VGLL3: variants seen among roughly 807,000 people sequenced by gnomAD.
VGLL3 encodes vestigial like family member 3, also known as transcription cofactor vestigial-like protein 3.
VGLL3 carries 18 observed loss-of-function variants against 29.2 expected under a neutral mutation model. That is an observed-to-expected ratio of 0.62 (90% confidence interval 0.43 to 0.91). The LOEUF (loss-of-function observed/expected upper bound fraction) is 0.91, where lower values mean the gene tolerates loss of function less well. VGLL3 is among the 40% of genes least tolerant of loss of function. The pLI is 0.00. For missense variants in VGLL3, 440 were observed against 413.2 expected, an observed-to-expected ratio of 1.06 and a Z score of -0.56; for synonymous variants, 180 against 151.8, an observed-to-expected ratio of 1.19 and a Z score of -1.36.
chr3:86,943,555 A>G lies in VGLL3; in HGVS notation c.*3469T>C, dbSNP rs997558570. On this transcript the variant is annotated 3_prime_UTR_variant, in exon 4 of 4. Coordinates refer to ENST00000398399, the MANE Select transcript of VGLL3 (RefSeq NM_016206.4). ...AGTTAAAGAAATAAATCCCTCAATT[A>G]TTTGCAATCCACTCCTCATTTTGCA... The G allele has an allele frequency of 6.6e-5, 10 of 152,112 alleles. No individual in the cohort carries two copies. The highest frequency in any genetic ancestry group is 1.2e-4 in the Non-Finnish European group (8 of 68,012). The allele number at this position is 152,112 out of a possible 1,614,324, so 9.4% of individuals were successfully genotyped here.
chr3:86,981,410 C>A, intron 1 of VGLL3, among the ~76,000 whole-genome samples: 1 of 151,732 alleles, frequency 6.6e-6, no homozygotes, highest in East Asian at 1.9e-4. Context: ...GCAAAAGCTG[C>A]CCCTGCATTA....
chr3:86,954,159 T>C (rs1299491175), intron 3 of VGLL3, among the ~76,000 whole-genome samples: 1 of 152,224 alleles, frequency 6.6e-6, no homozygotes, highest in Admixed American at 6.5e-5. Context: ...GGTTAAAAAC[T>C]GTCTGAACTT....
At position 86,990,775 on chromosome 3, in the gene VGLL3, C is replaced by T; in HGVS notation, c.-32G>A. On this transcript the variant is annotated 5_prime_UTR_variant, in exon 1 of 4. Transcript: ENST00000398399. The stretch of plus-strand genomic sequence containing the variant: ...CGGGGCAGTGGCGGCCCCCGAGCTG[C>T]CGCCGCCGCTCTACGCGCTGGCGCG... 1 of 1,257,702 alleles carries T rather than the reference C, an allele frequency of 8.0e-7. No homozygotes were observed. 77.9% of individuals were successfully genotyped at this position (1,257,702 alleles called of 1,614,324 possible).
Position 86,968,870 on chromosome 3 carries a change from G to GT in VGLL3, c.656dup (p.Tyr219Ter), listed in dbSNP as rs768435016. 6.2e-7 allele frequency: 1 copy of GT among 1,614,186 alleles called. No homozygotes were observed. The highest frequency in any genetic ancestry group is 8.5e-7 in the Non-Finnish European group (1 of 1,180,036). The change falls in exon 3 of 4, where the codon TAC becomes TAAC. Residue 219 changes from tyrosine to a stop codon, truncating the protein, a stop_gained and frameshift_variant. Transcript: ENST00000398399. LOFTEE classifies it high-confidence loss of function. ...YPLTSQVSPSYSHMHDVYMRH... is the reference protein window; with the variant it reads ...YPLTSQVSPS ...GCATGTACACGTCATGCATATGGCTGTAGGATGGGCTCACCTGAGATGTCA... is the reference window on the plus strand; with the variant it reads ...GCATGTACACGTCATGCATATGGCTGTTAGGATGGGCTCACCTGAGATGTCA...
chr3:86,978,479 C>G (rs201375921), intron 2 of VGLL3, 47 bp downstream of exon 2: 8 of 1,586,708 alleles, frequency 5.0e-6, no homozygotes, highest in South Asian at 1.2e-5. Flanking sequence ...CAGGCAGTTG[C>G]GAAACAAAGA....
At chr3:86,949,396 T>A (rs1041860756) in intron 3 of VGLL3, among the ~76,000 whole-genome samples, 1 of 152,164 alleles carries the variant, frequency 6.6e-6, no homozygotes, top group African/African-American at 2.4e-5. Context: ...TGGTTAAACT[T>A]CTTCTTGGTG....
chr3:86,974,853 A>G (rs193106354), intron 2 of VGLL3, among the ~76,000 whole-genome samples: 1 of 152,256 alleles, frequency 6.6e-6, no homozygotes, highest in Non-Finnish European at 1.5e-5. Context: ...ACTATTATCT[A>G]AGACTGTGTG....
intron 3 of VGLL3, among the ~76,000 whole-genome samples, chr3:86,965,114 G>A (rs896477970): frequency 1.1e-4 from 16 of 150,560 alleles, no homozygotes; most frequent in Non-Finnish European, 1.6e-4. Flanking sequence ...CTGAAATTGC[G>A]CCACTGCACT....
At chr3:86,980,514 T>C (rs1160857777) in intron 1 of VGLL3, among the ~76,000 whole-genome samples, 2 of 152,164 alleles carry the variant, frequency 1.3e-5, no homozygotes, top group African/African-American at 4.8e-5. Context: ...TAAGTGAATG[T>C]GCCTTGCTGA....
chr3:86,950,037 C>G (rs1245918509), intron 3 of VGLL3, among the ~76,000 whole-genome samples: 2 of 152,046 alleles, frequency 1.3e-5, no homozygotes, highest in Admixed American at 1.3e-4. Context: ...ACTTTTCTTG[C>G]CAGAACAAAA....
In VGLL3 at chr3:86,966,771, GTGTATATATATATATATATATA is replaced by G. The variant is rs1237102794; in HGVS notation, c.937+1797_937+1818del. 3.0e-3 allele frequency among the ~76,000 whole-genome samples: 211 copies of G among 69,540 alleles called. 3 individuals carry two copies. Among genetic ancestry groups the G allele is most frequent in the South Asian group, 5.9e-3 (9 of 1,528 alleles). 45.6% of individuals were successfully genotyped at this position (69,540 alleles called of 152,430 possible). A position where few individuals can be genotyped will look rare whatever the true frequency, so the allele number is the denominator to read the frequency against. On this transcript the variant is annotated intron_variant, in intron 3 of 3. Transcript: ENST00000398399. ...AAGAACTTAAAGTAATAGTGTGTGT[GTGTATATATATATATATATATA>G]TATATATATATATATATATATATAT...
intron 3 of VGLL3, among the ~76,000 whole-genome samples, chr3:86,950,081 C>A (rs1217700548): frequency 2.0e-5 from 3 of 152,142 alleles, no homozygotes; most frequent in African/African-American, 7.2e-5. Flanking sequence ...CCTATTCATA[C>A]TTTTCTGCTT....
intron 2 of VGLL3, among the ~76,000 whole-genome samples, chr3:86,972,482 G>C (rs1705122956): frequency 6.6e-6 from 1 of 152,044 alleles, no homozygotes; most frequent in Non-Finnish European, 1.5e-5. Context: ...TGTCTTGCTT[G>C]TTTAAGAAAA....
chr3:86,969,344 C>G (rs1046915927), intron 2 of VGLL3, among the ~76,000 whole-genome samples: 1 of 152,198 alleles, frequency 6.6e-6, no homozygotes, highest in African/African-American at 2.4e-5. Flanking sequence ...AAATGAGCCT[C>G]CCTCCATTTG....
chr3:86,967,640 T>C (rs573360297), intron 3 of VGLL3, among the ~76,000 whole-genome samples: 80 of 152,300 alleles, frequency 5.3e-4, no homozygotes, highest in African/African-American at 1.9e-3. Context: ...AAGAATTTCT[T>C]TAAGCTTTTG....
chr3:86,968,253 G>A (rs1165389593), intron 3 of VGLL3, among the ~76,000 whole-genome samples: 1 of 152,168 alleles, frequency 6.6e-6, no homozygotes, highest in African/African-American at 2.4e-5. Context: ...ATTCTGTTAG[G>A]CCTGACACAT....
At chr3:86,989,974 G>C (rs1041984594) in intron 1 of VGLL3, among the ~76,000 whole-genome samples, 9 of 152,122 alleles carry the variant, frequency 5.9e-5, no homozygotes, top group Non-Finnish European at 1.2e-4. Flanking sequence ...TTTTGGCCGA[G>C]GGACCCACTG....
At chr3:86,955,779 C>T (rs990416181) in intron 3 of VGLL3, among the ~76,000 whole-genome samples, 39 of 152,126 alleles carry the variant, frequency 2.6e-4, no homozygotes, top group African/African-American at 9.2e-4. Flanking sequence ...ATAAATAGGG[C>T]TTCAATGATT....
chr3:86,953,346 C>T (rs1704651844), intron 3 of VGLL3, among the ~76,000 whole-genome samples: 1 of 152,012 alleles, frequency 6.6e-6, no homozygotes, highest in Non-Finnish European at 1.5e-5. Context: ...TTTTGGAGGG[C>T]TGCACAATAT....
Sources: allele counts gnomAD v4.1 joint callset (sites outside exome capture counted in the v4.1 genomes callset), GRCh38; gene constraint gnomAD v4.1.1; transcripts MANE v1.5; gene names NCBI Gene and HGNC (gene_info 2026-07-23, HGNC 2026-07-21).